OGDHL: variants seen among roughly 807,000 people sequenced by gnomAD.
The protein encoded by OGDHL is 2-oxoglutarate dehydrogenase-like, mitochondrial.
Under a neutral mutation model 109.6 loss-of-function variants are expected in OGDHL, and 79 were observed. The ratio of observed to expected loss-of-function variants is 0.72; its 90% CI spans 0.60 to 0.87. OGDHL has a LOEUF of 0.87. Ranked by LOEUF, OGDHL falls within the 40% of genes least tolerant of loss-of-function variation. OGDHL has a pLI of 0.00. For synonymous variants in OGDHL, 528 were observed against 537.2 expected, an observed-to-expected ratio of 0.98 and a Z score of 0.24; for missense variants, 1,275 against 1,362.2, an observed-to-expected ratio of 0.94 and a Z score of 1.01.
intron 2 of OGDHL, 134 bp from the exon 3 acceptor site, chr10:49,757,080 G>A (rs1842964789): frequency 1.3e-6 from 1 of 780,760 alleles, no homozygotes; most frequent in Middle Eastern, 3.8e-4. Flanking sequence ...AGGGTGCCTA[G>A]ATGTACATAC....
At position 49,752,269 on chromosome 10, in the gene OGDHL, G is replaced by A. The variant is rs751308526; in HGVS notation, c.479-21C>T. 11 of 1,594,226 alleles carry A rather than the reference G, an allele frequency of 6.9e-6. No individual in the cohort carries two copies. In the East Asian group the frequency reaches 1.1e-4, roughly 16 times the overall value. On this transcript the variant is annotated intron_variant, in intron 4 of 22. Coordinates refer to ENST00000374103, the MANE Select transcript of OGDHL (RefSeq NM_018245.3). ...GAAGGCTGGAGAAGGAGGCGTGGCC[G>A]AGCCCCGGGCAGCAAAGTGGAGGGA...
At position 49,752,201 on chromosome 10, in the gene OGDHL, GCAGCTGGAACTCCT is replaced by G. The variant is rs748800760; in HGVS notation, c.512_525del (p.Lys171ThrfsTer10). On this transcript the variant is annotated frameshift_variant, in exon 5 of 23. Transcript: ENST00000374103. LOFTEE classifies it high-confidence loss of function. Reference sequence around the variant, plus strand: ...GAGCCCCCAATGAAGGTGGTTGTCGGCAGCTGGAACTCCTTATCAAGGTCAGCCTCCTGAAGGTC... The same window carrying G: ...GAGCCCCCAATGAAGGTGGTTGTCGGTATCAAGGTCAGCCTCCTGAAGGTC... 1 of 1,614,110 alleles carries G rather than the reference GCAGCTGGAACTCCT, an allele frequency of 6.2e-7. No individual in the cohort carries two copies. The highest frequency in any genetic ancestry group is 8.5e-7 in the Non-Finnish European group (1 of 1,180,030).
Position 49,735,219 on chromosome 10 carries a change from T to A in OGDHL, c.*9A>T, listed in dbSNP as rs775688663. 1 of 1,611,532 alleles carries A rather than the reference T, an allele frequency of 6.2e-7. No individual in the cohort carries two copies. Among genetic ancestry groups the A allele is most frequent in the South Asian group, 1.1e-5 (1 of 90,438 alleles). Reference sequence around the variant, plus strand: ...CCCACAGCGAGACCTACACAGGTTTTGCCCAGCTCTAAAATGTCTTGCCCT... The same window carrying A: ...CCCACAGCGAGACCTACACAGGTTTAGCCCAGCTCTAAAATGTCTTGCCCT... On this transcript the variant is annotated 3_prime_UTR_variant, in exon 23 of 23. Coordinates refer to ENST00000374103, the MANE Select transcript of OGDHL (RefSeq NM_018245.3).
intron 16 of OGDHL, 68 bp downstream of exon 16, chr10:49,740,642 C>G: frequency 6.4e-7 from 1 of 1,564,606 alleles, no homozygotes; most frequent in Non-Finnish European, 8.7e-7. Context: ...GCCCCGGTCC[C>G]TTCCCAGCCC....
At position 49,736,081 on chromosome 10, in the gene OGDHL, A is replaced by G; in HGVS notation, c.2851T>C (p.Tyr951His). Residue 951 changes from tyrosine (Y) to histidine (H), a missense_variant, in exon 22 of 23, where the codon TAC (tyrosine) becomes CAC (histidine). Coordinates refer to ENST00000374103, the MANE Select transcript of OGDHL (RefSeq NM_018245.3). ...WCQEEHKNMG[Y>H]YDYISPRFMT... is the part of the protein sequence containing the mutation. The stretch of plus-strand genomic sequence containing the variant: ...AAGCGTGGGCTGATGTAGTCATAGT[A>G]GCCCATGTTCTTGTGCTCCTCCTGA... The G allele has an allele frequency of 6.2e-7, 1 of 1,611,758 alleles. No homozygotes were observed. The highest frequency in any genetic ancestry group is 8.5e-7 in the Non-Finnish European group (1 of 1,178,750).
Position 49,752,184 on chromosome 10 carries a change from A to C in OGDHL, c.543T>G (p.Ile181Met). 1.2e-6 allele frequency: 2 copies of C among 1,614,050 alleles called. No homozygotes were observed. The highest frequency in any genetic ancestry group is 2.7e-5 in the African/African-American group (2 of 75,024). The part of the protein sequence containing the change: ...KEFQLPTTTF[I>M]GGSENTLSLR... ...GAGAGAGGGTGTTTTCAGAGCCCCC[A>C]ATGAAGGTGGTTGTCGGCAGCTGGA... The change falls in exon 5 of 23, where the codon ATT becomes ATG. Residue 181 changes from isoleucine to methionine, a missense_variant. By Grantham distance (10) the Ile-to-Met change is conservative (BLOSUM62 1). Coordinates refer to ENST00000374103, the MANE Select transcript of OGDHL (RefSeq NM_018245.3).
intron 10 of OGDHL, 78 bp from the exon 11 acceptor site, chr10:49,746,055 G>A: frequency 6.7e-7 from 1 of 1,495,886 alleles, no homozygotes. Flanking sequence ...TGGAGACTGA[G>A]CAGGGGGATG....
In OGDHL at chr10:49,747,186, T is replaced by A; in HGVS notation, c.1010A>T (p.His337Leu). 1 of 1,614,152 alleles carries A rather than the reference T, an allele frequency of 6.2e-7. No individual in the cohort carries two copies. The highest frequency in any genetic ancestry group is 1.1e-5 in the South Asian group (1 of 91,088). Reference protein sequence around the residue: ...ADEGSGDVKYHLGMYHERINR... With the variant: ...ADEGSGDVKYLLGMYHERINR... ...GATCCTCTCATGGTACATGCCCAGG[T>A]GGTACTTGACATCCCCGGAGCCCTG... The change falls in exon 9 of 23, where the codon CAC becomes CTC. Residue 337 changes from histidine to leucine, a missense_variant. By Grantham distance (99) the His-to-Leu change is moderately conservative (BLOSUM62 -3). Transcript: ENST00000374103.
At chr10:49,761,588 C>A (rs1370875823) in intron 1 of OGDHL, among the ~76,000 whole-genome samples, 1 of 152,222 alleles carries the variant, frequency 6.6e-6, no homozygotes, top group Non-Finnish European at 1.5e-5. Context: ...GGAGGGGCTG[C>A]TAGGGCCTGC....
chr10:49,748,167 AC>A (rs138399054), intron 8 of OGDHL, among the ~76,000 whole-genome samples: 3,334 of 152,292 alleles, frequency 0.022, 109 homozygotes, highest in African/African-American at 0.072. Context: ...AAACTCGCTC[AC>A]ACATGTGCAA....
intron 7 of OGDHL, among the ~76,000 whole-genome samples, chr10:49,750,192 T>C (rs755455904): frequency 1.3e-4 from 20 of 152,048 alleles, no homozygotes; most frequent in Non-Finnish European, 1.8e-4. Context: ...CACAAGCAGC[T>C]CTCTGGTCAC....
intron 6 of OGDHL, among the ~76,000 whole-genome samples, chr10:49,751,190 G>C (rs555660149): frequency 6.6e-6 from 1 of 152,176 alleles, no homozygotes; most frequent in East Asian, 1.9e-4. Flanking sequence ...GGGGAGGCTA[G>C]GCATCTTCCC....
At chr10:49,741,873 C>A (rs539262435) in intron 15 of OGDHL, among the ~76,000 whole-genome samples, 7 of 149,476 alleles carry the variant, frequency 4.7e-5, no homozygotes, top group East Asian at 2.0e-4. Flanking sequence ...ACTACACACA[C>A]CACACATACC....
intron 1 of OGDHL, among the ~76,000 whole-genome samples, chr10:49,759,103 G>A (rs757061101): frequency 2.3e-4 from 35 of 152,176 alleles, no homozygotes; most frequent in African/African-American, 8.0e-4. Context: ...AGTGAGCACA[G>A]GTGTCGGGGG....
intron 7 of OGDHL, 103 bp from the exon 8 acceptor site, chr10:49,749,919 G>C (rs1842470234): frequency 3.2e-6 from 3 of 938,364 alleles, no homozygotes; most frequent in Admixed American, 4.9e-5. Context: ...GCCCCTTCGT[G>C]CCCAGAGCCC....
Position 49,745,374 on chromosome 10 carries a change from G to A in OGDHL, c.1599C>T (p.Ala533=), listed in dbSNP as rs189406640. The change falls in exon 12 of 23, where the codon GCC becomes GCT. Residue 533 remains alanine (A), a synonymous_variant. Coordinates refer to ENST00000374103, the MANE Select transcript of OGDHL (RefSeq NM_018245.3). ...VLKKYADKLI[A]EGTVTLQEFE... is the part of the protein sequence containing the mutation. ...ACTCCTGCAGGGTGACTGTGCCCTCGGCAATCAGCTTGTCTGCGTACTTCT... is the reference window on the plus strand; with the variant it reads ...ACTCCTGCAGGGTGACTGTGCCCTCAGCAATCAGCTTGTCTGCGTACTTCT... 325 of 1,613,994 alleles carry A rather than the reference G, an allele frequency of 2.0e-4. 2 individuals are homozygous for A. In the East Asian group the frequency reaches 6.5e-3, roughly 32 times the overall value.
intron 6 of OGDHL, among the ~76,000 whole-genome samples, chr10:49,751,434 C>T (rs1028453521): frequency 6.6e-5 from 8 of 121,080 alleles, no homozygotes; most frequent in Non-Finnish European, 1.3e-4. Flanking sequence ...GAGTCAGGTG[C>T]TCCCCCAGCC....
chr10:49,741,935 C>T (rs1210749463), intron 15 of OGDHL, among the ~76,000 whole-genome samples: 1 of 143,774 alleles, frequency 7.0e-6, no homozygotes, highest in African/African-American at 2.6e-5. Context: ...CTACACACCA[C>T]AAACACAATC....
chr10:49,740,723 C>A lies in OGDHL; in HGVS notation c.2127G>T (p.Glu709Asp). ...GCGTGGACCCACCCAGGACTCCGTA[C>A]TCCGAGAGGGAGCTGTTGCACACGG... ...PYTVCNSSLS[E>D]YGVLGFELGY... The change falls in exon 16 of 23, where the codon GAG (glutamate) becomes GAT (aspartate). Residue 709 changes from glutamate (E) to aspartate (D), a missense_variant. Coordinates refer to ENST00000374103, the MANE Select transcript of OGDHL (RefSeq NM_018245.3). 1 of 1,613,748 alleles carries A rather than the reference C, an allele frequency of 6.2e-7. No homozygotes were observed. Among genetic ancestry groups the A allele is most frequent in the Non-Finnish European group, 8.5e-7 (1 of 1,179,750 alleles).
Sources: gnomAD v4.1 joint callset for allele counts (sites outside exome capture counted in the v4.1 genomes callset) on GRCh38, gnomAD v4.1.1 for gene constraint, MANE v1.5 for transcripts, NCBI Gene and HGNC (gene_info 2026-07-23, HGNC 2026-07-21) for gene names.